KATNIP: variants seen among roughly 807,000 people sequenced by gnomAD.
The protein encoded by KATNIP is katanin-interacting protein.
KATNIP carries 126 observed loss-of-function variants against 174.0 expected under a neutral mutation model. That is an observed-to-expected ratio of 0.72 (90% CI 0.63 to 0.84). The LOEUF is 0.84. KATNIP is among the 40% of genes least tolerant of loss of function. The pLI is 0.00. For missense variants in KATNIP, 1,958 were observed against 2,109.7 expected (o/e 0.93, Z 1.41); for synonymous variants, 810 against 835.7 (o/e 0.97, Z 0.53).
chr16:27,749,615 G>A lies in KATNIP; in HGVS notation c.2655G>A (p.Arg885=). ...CCTGGTCTTCCAGGACGCCGTCACGGTCAAGGTGGCGCAGTGAGCAGGAGC... is the reference window on the plus strand; with the variant it reads ...CCTGGTCTTCCAGGACGCCGTCACGATCAAGGTGGCGCAGTGAGCAGGAGC... The part of the protein sequence containing the change: ...EDTWSSRTPS[R]SRWRSEQEHT... Residue 885 remains arginine (R), a synonymous_variant, in exon 16 of 28, where the codon CGG becomes CGA. Coordinates refer to ENST00000261588, the MANE Select transcript of KATNIP (RefSeq NM_015202.5). 1.3e-6 allele frequency: 2 copies of A among 1,544,134 alleles called. No homozygotes were observed. The highest frequency in any genetic ancestry group is 1.7e-6 in the Non-Finnish European group (2 of 1,146,882).
At chr16:27,616,134 G>A (rs561397828) in intron 2 of KATNIP, among the ~76,000 whole-genome samples, 43 of 152,344 alleles carry the variant, frequency 2.8e-4, no homozygotes, top group African/African-American at 1.0e-3. Flanking sequence ...CACTTTGGGA[G>A]GCCAAGGTGG....
intron 2 of KATNIP, among the ~76,000 whole-genome samples, chr16:27,577,306 C>A (rs985842030): frequency 6.6e-6 from 1 of 152,166 alleles, no homozygotes; most frequent in Admixed American, 6.5e-5. Context: ...CTTTGGGAGA[C>A]TGAGGCGAGA....
At chr16:27,570,434 G>T (rs2090245750) in intron 1 of KATNIP, among the ~76,000 whole-genome samples, 1 of 152,110 alleles carries the variant, frequency 6.6e-6, no homozygotes, top group African/African-American at 2.4e-5. Flanking sequence ...AGGCATGGTG[G>T]TGGGCATCTG....
At chr16:27,568,639 A>G (rs899301346) in intron 1 of KATNIP, among the ~76,000 whole-genome samples, 8 of 151,858 alleles carry the variant, frequency 5.3e-5, no homozygotes, top group Non-Finnish European at 1.0e-4. Flanking sequence ...TAATTTTTGT[A>G]TTTTTAGTAG....
intron 2 of KATNIP, among the ~76,000 whole-genome samples, chr16:27,587,587 CT>C (rs1199010518): frequency 6.6e-6 from 1 of 152,196 alleles, no homozygotes; most frequent in Non-Finnish European, 1.5e-5. Context: ...TGTACTTAAC[CT>C]GCTGAACATC....
chr16:27,704,001 G>C lies in KATNIP; in HGVS notation c.1389+3G>C, dbSNP rs374397745. Reference sequence around the variant, plus strand: ...AGGAGCAAGTATCAGACACAGAGGTGAGAGCCTTGACTTGATTTTCAGTTG... The same window carrying C: ...AGGAGCAAGTATCAGACACAGAGGTCAGAGCCTTGACTTGATTTTCAGTTG... On this transcript the variant is annotated splice_donor_region_variant and intron_variant, in intron 12 of 27. Coordinates refer to ENST00000261588, the MANE Select transcript of KATNIP (RefSeq NM_015202.5). 1.2e-6 allele frequency: 2 copies of C among 1,611,596 alleles called. No homozygotes were observed. The highest frequency in any genetic ancestry group is 2.2e-5 in the South Asian group (2 of 91,004).
chr16:27,631,339 A>G (rs1432491884), intron 5 of KATNIP, 177 bp downstream of exon 5: 1 of 561,116 alleles, frequency 1.8e-6, no homozygotes, highest in Non-Finnish European at 3.2e-6. Flanking sequence ...CAGAAGTTCG[A>G]GACCAGCTTG....
intron 5 of KATNIP, among the ~76,000 whole-genome samples, chr16:27,636,597 C>G (rs1311612665): frequency 6.7e-6 from 1 of 148,634 alleles, no homozygotes; most frequent in African/African-American, 2.5e-5. Context: ...CCCTGGAGCT[C>G]TCTGTGTAAC....
intron 12 of KATNIP, among the ~76,000 whole-genome samples, chr16:27,707,194 C>T (rs978886403): frequency 2.6e-5 from 4 of 152,230 alleles, no homozygotes; most frequent in African/African-American, 9.6e-5. Flanking sequence ...ATTTGCTTGG[C>T]TCCCTGCTCA....
In KATNIP at chr16:27,762,164, C is replaced by G. The variant is rs533163681; in HGVS notation, c.3809+574C>G. Among the ~76,000 whole-genome samples, 3 of 152,296 alleles carry G rather than the reference C, an allele frequency of 2.0e-5. No individual in the cohort carries two copies. The East Asian group carries it at 5.8e-4, about 29-fold the overall frequency. ...CAGCCCACAGACCAGCACTCAGTTC[C>G]CCTGCCCTGCACAGCCAGAGGGTCT... is the stretch of plus-strand genomic sequence containing the variant. On this transcript the variant is annotated intron_variant, in intron 19 of 27. Transcript: ENST00000261588.
At chr16:27,634,483 T>A (rs554267246) in intron 5 of KATNIP, among the ~76,000 whole-genome samples, 12 of 152,152 alleles carry the variant, frequency 7.9e-5, no homozygotes, top group Non-Finnish European at 1.3e-4. Context: ...AGGACACCAT[T>A]GGGAAGGTGG....
At chr16:27,596,096 G>A (rs2075326445) in intron 2 of KATNIP, among the ~76,000 whole-genome samples, 2 of 152,114 alleles carry the variant, frequency 1.3e-5, no homozygotes, top group Admixed American at 6.5e-5. Context: ...GAGGAGGACC[G>A]TGACCTAGCA....
intron 14 of KATNIP, among the ~76,000 whole-genome samples, chr16:27,723,259 A>C (rs2080309844): frequency 6.6e-6 from 1 of 152,094 alleles, no homozygotes; most frequent in African/African-American, 2.4e-5. Context: ...CAACCCCCTG[A>C]GTGTGACATC....
At chr16:27,684,552 A>G (rs2078456537) in intron 8 of KATNIP, among the ~76,000 whole-genome samples, 1 of 152,250 alleles carries the variant, frequency 6.6e-6, no homozygotes, top group Non-Finnish European at 1.5e-5. Context: ...ATCATCTGGC[A>G]TAGTGCATTA....
At chr16:27,706,704 T>G (rs757822566) in intron 12 of KATNIP, among the ~76,000 whole-genome samples, 14 of 152,218 alleles carry the variant, frequency 9.2e-5, no homozygotes, top group Non-Finnish European at 1.6e-4. Context: ...CAGATTGCAC[T>G]GGGTGGGAGT....
rs1054175046 is a variant in KATNIP, at chr16:27,779,871, G to A, written c.*1242G>A. ...CGCCGCAGTACTGTACTCGAGGTAC[G>A]TTCCTATGCAACCGAGAGCCCCGGC... is the stretch of plus-strand genomic sequence containing the variant. On this transcript the variant is annotated 3_prime_UTR_variant, in exon 28 of 28. Transcript: ENST00000261588. The A allele has an allele frequency of 7.2e-5, 11 of 152,238 alleles. No individual in the cohort carries two copies. The highest frequency in any genetic ancestry group is 1.9e-4 in the African/African-American group (8 of 41,450). 9.4% of individuals were successfully genotyped at this position (152,238 alleles called of 1,614,324 possible). A position where few individuals can be genotyped will look rare whatever the true frequency, so the allele number is the denominator to read the frequency against.
chr16:27,678,594 G>A (rs1439617005), intron 7 of KATNIP, among the ~76,000 whole-genome samples: 1 of 152,170 alleles, frequency 6.6e-6, no homozygotes, highest in Non-Finnish European at 1.5e-5. Context: ...CTCAGAAAGT[G>A]AATTTTTCTT....
At position 27,691,788 on chromosome 16, in the gene KATNIP, G is replaced by A. The variant is rs74673386; in HGVS notation, c.941-6540G>A. Among the ~76,000 whole-genome samples the A allele has an allele frequency of 6.4e-3, 980 of 152,328 alleles. 31 individuals carry two copies. In the East Asian group the frequency reaches 0.09, roughly 14 times the overall value. On this transcript the variant is annotated intron_variant, in intron 8 of 27. Transcript: ENST00000261588. The stretch of plus-strand genomic sequence containing the variant: ...ACCTGATGATCATGTTGCTGGAGGA[G>A]CATTTCCTCCCAAATGAAAGACGCT...
intron 8 of KATNIP, among the ~76,000 whole-genome samples, chr16:27,690,140 AAAT>A (rs140608906): frequency 0.022 from 3,286 of 151,436 alleles, 133 homozygotes; most frequent in African/African-American, 0.076. Context: ...TCATCTCTAC[AAAT>A]AATAATAATA....
Sources: allele counts gnomAD v4.1 joint callset (sites outside exome capture counted in the v4.1 genomes callset), GRCh38; gene constraint gnomAD v4.1.1; transcripts MANE v1.5; gene names NCBI Gene and HGNC (gene_info 2026-07-23, HGNC 2026-07-21).